Variants in CERS6 observed in about 807,000 individuals in gnomAD.
CERS6 encodes ceramide synthase 6, also known as LAG1 homolog, ceramide synthase 6.
CERS6 carries 26 observed loss-of-function variants against 56.8 expected under a neutral mutation model. The observed-to-expected ratio is 0.46, with a 90% CI of 0.34 to 0.63. The LOEUF (loss-of-function observed/expected upper bound fraction) is 0.63. Among genes scored for constraint, CERS6 ranks in the 30% least tolerant of loss-of-function variants. The probability of loss-of-function intolerance (pLI) is 0.01; values close to 1 mark genes in which losing one functional copy is unlikely to be tolerated. For missense variants in CERS6, 415 were observed against 467.5 expected, an observed-to-expected ratio of 0.89 and a Z score of 1.04; for synonymous variants, 164 against 173.3, an observed-to-expected ratio of 0.95 and a Z score of 0.42.
intron 4 of CERS6, among the ~76,000 whole-genome samples, chr2:168,659,767 A>C (rs371592708): frequency 2.6e-5 from 4 of 152,132 alleles, no homozygotes; most frequent in Non-Finnish European, 5.9e-5. Context: ...GGTCATTACA[A>C]TGTCCCTGGT....
At chr2:168,582,412 C>T (rs1471819691) in intron 3 of CERS6, among the ~76,000 whole-genome samples, 5 of 152,140 alleles carry the variant, frequency 3.3e-5, no homozygotes, top group Admixed American at 6.5e-5. Flanking sequence ...GAGCTTCTTA[C>T]TATCTTGTCA....
At chr2:168,594,602 T>A (rs1041417136) in intron 3 of CERS6, among the ~76,000 whole-genome samples, 1 of 152,118 alleles carries the variant, frequency 6.6e-6, no homozygotes, top group African/African-American at 2.4e-5. Flanking sequence ...ATTATTCATT[T>A]AAAAAATATT....
intron 6 of CERS6, among the ~76,000 whole-genome samples, chr2:168,704,580 C>T (rs555795385): frequency 5.3e-5 from 8 of 152,192 alleles, no homozygotes; most frequent in Non-Finnish European, 1.0e-4. Flanking sequence ...CCCTTCCACT[C>T]AAGGCTCACC....
intron 3 of CERS6, among the ~76,000 whole-genome samples, chr2:168,605,133 G>C (rs949587711): frequency 2.6e-5 from 4 of 152,204 alleles, no homozygotes; most frequent in Non-Finnish European, 5.9e-5. Context: ...TATGGACAAA[G>C]ATGGCCAAAC....
chr2:168,707,310 T>G (rs891731163), intron 6 of CERS6, among the ~76,000 whole-genome samples: 8 of 152,152 alleles, frequency 5.3e-5, no homozygotes, highest in Non-Finnish European at 1.2e-4. Context: ...GGGAAAAAAG[T>G]GTTGAAGTAG....
At position 168,602,156 on chromosome 2, in the gene CERS6, G is replaced by A. The variant is rs900290580; in HGVS notation, c.408-28829G>A. Reference sequence around the variant, plus strand: ...GATAGCAAGGGTATTGCACAAATAAGCATTGGCCGATTCTTTTTTCTCTTT... The same window carrying A: ...GATAGCAAGGGTATTGCACAAATAAACATTGGCCGATTCTTTTTTCTCTTT... On this transcript the variant is annotated intron_variant, in intron 3 of 9. Transcript: ENST00000305747. Among the ~76,000 whole-genome samples, 6 of 152,190 alleles carry A rather than the reference G, an allele frequency of 3.9e-5. No homozygotes were observed. The East Asian group carries it at 7.7e-4, about 20-fold the overall frequency.
intron 3 of CERS6, among the ~76,000 whole-genome samples, chr2:168,562,476 G>A (rs966637302): frequency 6.6e-6 from 1 of 152,110 alleles, no homozygotes; most frequent in Non-Finnish European, 1.5e-5. Flanking sequence ...AGGAGAGCAG[G>A]GTGATAATAA....
At chr2:168,746,934 A>G (rs1212923857) in intron 8 of CERS6, among the ~76,000 whole-genome samples, 1 of 151,036 alleles carries the variant, frequency 6.6e-6, no homozygotes, top group Non-Finnish European at 1.5e-5. Context: ...TGTAGAAAAC[A>G]TTTTAAATCC....
At chr2:168,497,646 G>A (rs1694496649) in intron 1 of CERS6, among the ~76,000 whole-genome samples, 1 of 152,186 alleles carries the variant, frequency 6.6e-6, no homozygotes, top group Non-Finnish European at 1.5e-5. Context: ...GCTGCAGCAG[G>A]GTGAGCAGGT....
intron 4 of CERS6, among the ~76,000 whole-genome samples, chr2:168,677,152 GA>G (rs1286499025): frequency 6.6e-6 from 1 of 151,804 alleles, no homozygotes; most frequent in African/African-American, 2.4e-5. Context: ...TATTTCTCCT[GA>G]CGCTATCCCT....
intron 4 of CERS6, among the ~76,000 whole-genome samples, chr2:168,637,962 A>G (rs76296190): frequency 0.017 from 2,617 of 152,320 alleles, 101 homozygotes; most frequent in East Asian, 0.16. Flanking sequence ...AGGTATACCT[A>G]GGTCATAAAA....
At chr2:168,463,723 C>A (rs1693818550) in intron 1 of CERS6, among the ~76,000 whole-genome samples, 1 of 152,092 alleles carries the variant, frequency 6.6e-6, no homozygotes, top group South Asian at 2.1e-4. Context: ...GCTGCGGCAA[C>A]ATGGCAAAAC....
chr2:168,548,625 T>A (rs1294068493), intron 2 of CERS6, among the ~76,000 whole-genome samples: 2 of 152,218 alleles, frequency 1.3e-5, no homozygotes, highest in Non-Finnish European at 2.9e-5. Context: ...CAAGATGTGA[T>A]TTGACAGAAT....
intron 4 of CERS6, among the ~76,000 whole-genome samples, chr2:168,633,547 C>T (rs1684797349): frequency 6.6e-6 from 1 of 152,178 alleles, no homozygotes; most frequent in African/African-American, 2.4e-5. Context: ...CCTAACTGCC[C>T]TAACCTCAGC....
intron 4 of CERS6, among the ~76,000 whole-genome samples, chr2:168,671,425 A>C (rs1685914774): frequency 6.6e-6 from 1 of 152,160 alleles, no homozygotes; most frequent in Admixed American, 6.6e-5. Flanking sequence ...ACATCTTGTT[A>C]CTATTGGAGC....
intron 8 of CERS6, among the ~76,000 whole-genome samples, chr2:168,743,544 A>AGACT (rs1683992457): frequency 6.6e-6 from 1 of 151,806 alleles, no homozygotes; most frequent in Admixed American, 6.6e-5. Context: ...CTGAGGCGAG[A>AGACT]CTGTCTCAAA....
intron 8 of CERS6, among the ~76,000 whole-genome samples, chr2:168,747,836 T>TAA (rs1684152657): frequency 1.3e-5 from 1 of 76,758 alleles, no homozygotes; most frequent in African/African-American, 6.8e-5. Context: ...CGCTCACACA[T>TAA]AAACACACAC....
chr2:168,728,595 C>G (rs954635504), intron 8 of CERS6, among the ~76,000 whole-genome samples: 2 of 151,206 alleles, frequency 1.3e-5, no homozygotes, highest in South Asian at 4.2e-4. Flanking sequence ...CCAGGCTGAC[C>G]AGGCTGGTCT....
intron 4 of CERS6, among the ~76,000 whole-genome samples, chr2:168,651,700 A>T (rs1383070946): frequency 6.6e-6 from 1 of 152,130 alleles, no homozygotes; most frequent in East Asian, 1.9e-4. Context: ...GCATGGGAGG[A>T]ACCACCCCAT....
Sources: allele counts gnomAD v4.1 joint callset (sites outside exome capture counted in the v4.1 genomes callset), GRCh38; gene constraint gnomAD v4.1.1; transcripts MANE v1.5; gene names NCBI Gene and HGNC (gene_info 2026-07-23, HGNC 2026-07-21).